SLC6A5: variants seen among roughly 807,000 people sequenced by gnomAD.
SLC6A5 encodes solute carrier family 6 member 5.
SLC6A5 carries 58 observed loss-of-function variants against 90.5 expected under a neutral mutation model. That is an observed-to-expected ratio of 0.64 (90% CI 0.52 to 0.80). SLC6A5 has a LOEUF of 0.80. Among genes scored for constraint, SLC6A5 ranks in the 30% least tolerant of loss-of-function variants. The pLI is 0.00. For missense variants in SLC6A5, 1,015 were observed against 1,017.6 expected (o/e 1.00, Z 0.03); for synonymous variants, 427 against 401.4 (o/e 1.06, Z -0.76).
At chr11:20,652,618 T>C (rs1471843114) in intron 15 of SLC6A5, among the ~76,000 whole-genome samples, 162 bp downstream of exon 15, 4 of 152,208 alleles carry the variant, frequency 2.6e-5, no homozygotes, top group African/African-American at 9.6e-5. Flanking sequence ...ATTTTTATTA[T>C]GTATGATTCC....
rs1255113458 is a variant in SLC6A5 at position 20,617,896 on chromosome 11, G to T, written c.1260+12G>T. The T allele has an allele frequency of 6.2e-7, 1 of 1,608,596 alleles. No individual in the cohort carries two copies. Among genetic ancestry groups the T allele is most frequent in the Admixed American group, 1.7e-5 (1 of 59,656 alleles). ...AGACTTCAGGAAAAGTAAGCACTTGGATTTATCTAAGAGAAAGCTGTGAGA... is the reference window on the plus strand; with the variant it reads ...AGACTTCAGGAAAAGTAAGCACTTGTATTTATCTAAGAGAAAGCTGTGAGA... On this transcript the variant is annotated intron_variant, in intron 7 of 15. Transcript: ENST00000525748.
At position 20,601,187 on chromosome 11, in the gene SLC6A5, C is replaced by G. The variant is rs1852464767; in HGVS notation, c.62C>G (p.Ala21Gly). The change falls in exon 2 of 16, where the codon GCG (alanine) becomes GGG (glycine). Residue 21 changes from alanine to glycine, a missense_variant. Transcript: ENST00000525748. ...KLPANSPEAA[A>G]AQGHPDGPCA... ...CCAGCCAACAGCCCGGAGGCGGCGG[C>G]GGCGCAGGGCCACCCGGATGGCCCA... 6.3e-7 allele frequency: 1 copy of G among 1,586,860 alleles called. No homozygotes were observed. The highest frequency in any genetic ancestry group is 8.5e-7 in the Non-Finnish European group (1 of 1,174,728).
chr11:20,654,499 A>G (rs1853603016), intron 15 of SLC6A5, among the ~76,000 whole-genome samples: 1 of 152,224 alleles, frequency 6.6e-6, no homozygotes, highest in Non-Finnish European at 1.5e-5. Context: ...AAATAATTTC[A>G]AGTGAACCAA....
rs368912320 is a variant in SLC6A5, at chr11:20,635,364, T to C, written c.1625-943T>C. On this transcript the variant is annotated intron_variant, in intron 10 of 15. Coordinates refer to ENST00000525748, the MANE Select transcript of SLC6A5 (RefSeq NM_004211.5). ...TGGACCAGATCTAACCCTTAGAGAC[T>C]GAACCCTCTTAACCCTTACATGATG... Among the ~76,000 whole-genome samples the C allele has an allele frequency of 1.1e-3, 165 of 151,972 alleles. 1 individual carries two copies. Among genetic ancestry groups the C allele is most frequent in the African/African-American group, 3.8e-3 (157 of 41,426 alleles).
At chr11:20,619,465 CAG>C (rs1852849378) in intron 7 of SLC6A5, among the ~76,000 whole-genome samples, 1 of 152,184 alleles carries the variant, frequency 6.6e-6, no homozygotes. Flanking sequence ...CCTTAAATCA[CAG>C]AGTGTGGGGA....
At position 20,627,973 on chromosome 11, in the gene SLC6A5, C is replaced by T. The variant is rs771120094; in HGVS notation, c.1396-7C>T. 2 of 1,611,096 alleles carry T rather than the reference C, an allele frequency of 1.2e-6. No homozygotes were observed. The highest frequency in any genetic ancestry group is 2.7e-5 in the African/African-American group (2 of 74,974). On this transcript the variant is annotated splice_region_variant and splice_polypyrimidine_tract_variant and intron_variant, in intron 8 of 15. Transcript: ENST00000525748. ...GGTCTTGAATCTCTTTCCCTTTTGC[C>T]TCTCAGGTGTGGAAAGATGCTGCCA... is the stretch of plus-strand genomic sequence containing the variant.
intron 7 of SLC6A5, 97 bp from the exon 8 acceptor site, chr11:20,626,611 C>T (rs1007674592): frequency 2.0e-5 from 27 of 1,353,784 alleles, no homozygotes; most frequent in African/African-American, 2.9e-5. Context: ...TGCTCTCTGT[C>T]ATGCGCAGCC....
intron 10 of SLC6A5, among the ~76,000 whole-genome samples, chr11:20,632,250 C>T (rs930795261): frequency 6.6e-6 from 1 of 152,106 alleles, no homozygotes; most frequent in African/African-American, 2.4e-5. Flanking sequence ...AGATCTTAGG[C>T]ATTTTGCTTT....
intron 13 of SLC6A5, among the ~76,000 whole-genome samples, chr11:20,641,073 C>T (rs527939959): frequency 3.9e-5 from 6 of 152,288 alleles, no homozygotes; most frequent in Admixed American, 2.6e-4. Flanking sequence ...TAGCTGGCTT[C>T]GAGGTATCCA....
intron 13 of SLC6A5, 56 bp downstream of exon 13, chr11:20,638,614 T>A: frequency 9.9e-7 from 1 of 1,012,670 alleles, no homozygotes; most frequent in Non-Finnish European, 1.6e-6. Context: ...GGTAAGGCAT[T>A]CATGGCAAGC....
intron 5 of SLC6A5, among the ~76,000 whole-genome samples, chr11:20,609,462 A>T (rs184040480): frequency 1.9e-4 from 29 of 152,178 alleles, no homozygotes; most frequent in African/African-American, 6.3e-4. Context: ...AGAAAAGTTG[A>T]TGGTGGCCTG....
chr11:20,603,590 A>G (rs1317405357), intron 2 of SLC6A5, among the ~76,000 whole-genome samples: 1 of 152,152 alleles, frequency 6.6e-6, no homozygotes, highest in Non-Finnish European at 1.5e-5. Context: ...TTCCCATATC[A>G]ACCTTTTTTG....
intron 9 of SLC6A5, 107 bp from the exon 10 acceptor site, chr11:20,630,584 T>C: frequency 2.3e-6 from 3 of 1,319,788 alleles, no homozygotes; most frequent in Non-Finnish European, 3.3e-6. Flanking sequence ...CGTATATGCC[T>C]ACACATGTGC....
Position 20,658,008 on chromosome 11 carries a change from ATG to A in SLC6A5, c.*3144_*3145del, listed in dbSNP as rs1590187690. Reference sequence around the variant, plus strand: ...GACCTCAATGTCTTTGAAATTTGCAATGTGTTTTTAATATGTAAGAAATGTAA... The same window carrying A: ...GACCTCAATGTCTTTGAAATTTGCAATGTTTTTAATATGTAAGAAATGTAA... On this transcript the variant is annotated 3_prime_UTR_variant, in exon 16 of 16. Coordinates refer to ENST00000525748, the MANE Select transcript of SLC6A5 (RefSeq NM_004211.5). 1.3e-5 allele frequency: 2 copies of A among 152,314 alleles called. No individual in the cohort carries two copies. The highest frequency in any genetic ancestry group is 2.4e-5 in the African/African-American group (1 of 41,572). The allele number at this position is 152,314 out of a possible 1,614,324, so 9.4% of individuals were successfully genotyped here. A position where few individuals can be genotyped will look rare whatever the true frequency, so the allele number is the denominator to read the frequency against.
chr11:20,643,569 C>G (rs537067243), intron 13 of SLC6A5, among the ~76,000 whole-genome samples: 1 of 152,314 alleles, frequency 6.6e-6, no homozygotes, highest in South Asian at 2.1e-4. Flanking sequence ...GGCAGGAAGA[C>G]TGTTTCACCT....
chr11:20,604,358 G>C lies in SLC6A5; in HGVS notation c.613G>C (p.Val205Leu). ...CAAACTGGACTTCATCCTGTCCATG[G>C]TGGGGTACGCAGTGGGGCTGGGCAA... is the stretch of plus-strand genomic sequence containing the variant. ...SSKLDFILSMVGYAVGLGNVW... is the reference protein window; with the variant it reads ...SSKLDFILSMLGYAVGLGNVW... Residue 205 changes from valine (V) to leucine (L), a missense_variant, in exon 3 of 16, where the codon GTG becomes CTG. Val to Leu is a conservative substitution (Grantham distance 32). Around this residue, in one of 3 missense-constraint regions of SLC6A5, gnomAD observed 567 missense variants for 507.3 expected, o/e 1.12. Coordinates refer to ENST00000525748, the MANE Select transcript of SLC6A5 (RefSeq NM_004211.5). The C allele has an allele frequency of 6.2e-7, 1 of 1,614,148 alleles. No individual in the cohort carries two copies. Among genetic ancestry groups the C allele is most frequent in the South Asian group, 1.1e-5 (1 of 91,086 alleles).
At chr11:20,651,713 G>T (rs1433203580) in intron 14 of SLC6A5, among the ~76,000 whole-genome samples, 1 of 151,904 alleles carries the variant, frequency 6.6e-6, no homozygotes, top group African/African-American at 2.4e-5. Context: ...TTTGAGATCA[G>T]CCTGGCCAAC....
intron 3 of SLC6A5, 80 bp from the exon 4 acceptor site, chr11:20,606,927 A>C: frequency 6.3e-7 from 1 of 1,584,698 alleles, no homozygotes; most frequent in Non-Finnish European, 8.7e-7. Context: ...GAGGGAGCTC[A>C]GCCCCTAGCC....
At chr11:20,638,700 T>G (rs1355383206) in intron 13 of SLC6A5, 142 bp downstream of exon 13, 1 of 700,266 alleles carries the variant, frequency 1.4e-6, no homozygotes, top group African/African-American at 1.8e-5. Flanking sequence ...GCTGCACTTT[T>G]GTTTCTAAAC....
Sources: allele counts gnomAD v4.1 joint callset (sites outside exome capture counted in the v4.1 genomes callset), GRCh38; gene constraint gnomAD v4.1.1; regional missense constraint gnomAD v4.1.1; transcripts MANE v1.5; gene names NCBI Gene and HGNC (gene_info 2026-07-23, HGNC 2026-07-21).